Variants in ERBB4 observed in about 807,000 individuals in gnomAD.
ERBB4 encodes the protein erb-b2 receptor tyrosine kinase 4.
Under a neutral mutation model 158.0 loss-of-function variants are expected in ERBB4, and 42 were observed. The observed-to-expected ratio is 0.27, with a 90% CI of 0.21 to 0.34. The LOEUF (loss-of-function observed/expected upper bound fraction) is 0.34. Ranked by LOEUF, ERBB4 falls within the 10% of genes least tolerant of loss-of-function variation. ERBB4 has a pLI of 1.00. For synonymous variants in ERBB4, 583 were observed against 558.7 expected (o/e 1.04, Z -0.61); for missense variants, 1,333 against 1,624.1 (o/e 0.82, Z 3.08).
chr2:211,762,434 G>T (rs1353932883), intron 4 of ERBB4, among the ~76,000 whole-genome samples: 1 of 152,208 alleles, frequency 6.6e-6, no homozygotes, highest in Non-Finnish European at 1.5e-5. Context: ...GGAACTTCGG[G>T]CTCTTGTAGA....
chr2:212,340,505 G>A (rs1233915137), intron 1 of ERBB4, among the ~76,000 whole-genome samples: 3 of 152,178 alleles, frequency 2.0e-5, no homozygotes, highest in African/African-American at 7.2e-5. Flanking sequence ...ATCTGGGGGT[G>A]ATGATAGACA....
At chr2:211,772,848 T>TATATATATATACAC (rs2075736915) in intron 4 of ERBB4, among the ~76,000 whole-genome samples, 1 of 64,318 alleles carries the variant, frequency 1.6e-5, no homozygotes, top group African/African-American at 6.6e-5. Flanking sequence ...CATATATATA[T>TATATATATATACAC]ATATATATAT....
intron 20 of ERBB4, among the ~76,000 whole-genome samples, chr2:211,532,970 T>C (rs919828486): frequency 2.6e-5 from 4 of 151,368 alleles, no homozygotes; most frequent in Admixed American, 6.6e-5. Flanking sequence ...TTATTTAGCA[T>C]AAAACAAATA....
intron 2 of ERBB4, among the ~76,000 whole-genome samples, chr2:212,041,565 T>G (rs1157331707): frequency 1.3e-5 from 2 of 150,578 alleles, no homozygotes; most frequent in African/African-American, 2.4e-5. Flanking sequence ...AAAAAAGAAA[T>G]AGTAGCAATA....
rs149870269 is a variant in ERBB4, at chr2:211,704,745, C to T, written c.1199-551G>A. On this transcript the variant is annotated intron_variant, in intron 10 of 27. Coordinates refer to ENST00000342788, the MANE Select transcript of ERBB4 (RefSeq NM_005235.3). ...TCTTTTGAAGAAGTAAACAGAAAAA[C>T]ATAGTTTCAAAGATCAGTTGACACT... Among the ~76,000 whole-genome samples the T allele has an allele frequency of 4.3e-3, 651 of 152,206 alleles. 6 individuals are homozygous for T. The highest frequency in any genetic ancestry group is 0.015 in the African/African-American group (619 of 41,520).
intron 1 of ERBB4, among the ~76,000 whole-genome samples, chr2:212,264,743 C>T (rs929083098): frequency 1.3e-5 from 2 of 151,890 alleles, no homozygotes; most frequent in African/African-American, 4.8e-5. Context: ...AAAAAAAGCA[C>T]CGTGAATATT....
chr2:212,386,019 T>C (rs1011846191), intron 1 of ERBB4, among the ~76,000 whole-genome samples: 11 of 151,888 alleles, frequency 7.2e-5, no homozygotes, highest in African/African-American at 2.7e-4. Flanking sequence ...GTCTCTATCT[T>C]ACCAGCGAAG....
chr2:211,868,478 T>A (rs116653201), intron 3 of ERBB4, among the ~76,000 whole-genome samples: 23 of 152,320 alleles, frequency 1.5e-4, no homozygotes, highest in Non-Finnish European at 2.8e-4. Context: ...ATGGCTCTTA[T>A]AAACCTTTTA....
intron 20 of ERBB4, among the ~76,000 whole-genome samples, chr2:211,512,623 C>T (rs574900823): frequency 6.6e-6 from 1 of 152,010 alleles, no homozygotes; most frequent in East Asian, 1.9e-4. Context: ...TAAAAAATGC[C>T]ATTTTCTTAA....
At chr2:212,029,358 T>G (rs2076847910) in intron 2 of ERBB4, among the ~76,000 whole-genome samples, 1 of 152,208 alleles carries the variant, frequency 6.6e-6, no homozygotes, top group South Asian at 2.1e-4. Context: ...TTTCGTGGGC[T>G]AAGCTCCACT....
chr2:212,531,185 G>A (rs1252975831), intron 1 of ERBB4, among the ~76,000 whole-genome samples: 1 of 152,152 alleles, frequency 6.6e-6, no homozygotes, highest in Non-Finnish European at 1.5e-5. Flanking sequence ...ATCAGGAAAT[G>A]ACTCTTCTTG....
At chr2:211,940,541 T>C (rs1376303043) in intron 3 of ERBB4, among the ~76,000 whole-genome samples, 1 of 152,158 alleles carries the variant, frequency 6.6e-6, no homozygotes, top group Non-Finnish European at 1.5e-5. Context: ...GGAAGTTTCC[T>C]GAGAAATTCC....
At chr2:212,024,251 A>G (rs1357257314) in intron 2 of ERBB4, among the ~76,000 whole-genome samples, 6 of 151,854 alleles carry the variant, frequency 4.0e-5, no homozygotes. Flanking sequence ...TTCATTCTAT[A>G]CCTCTGTCCC....
chr2:212,267,026 C>A (rs78819283), intron 1 of ERBB4, among the ~76,000 whole-genome samples: 1 of 151,876 alleles, frequency 6.6e-6, no homozygotes, highest in African/African-American at 2.4e-5. Flanking sequence ...AGCAGATAAA[C>A]AAATGCCTAA....
chr2:211,800,659 T>TAAAA (rs35946148), intron 3 of ERBB4, among the ~76,000 whole-genome samples: 14 of 128,592 alleles, frequency 1.1e-4, no homozygotes, highest in Non-Finnish European at 2.2e-4. Flanking sequence ...AACTGTGCGT[T>TAAAA]AAAAAAAAAA....
In ERBB4 at chr2:212,057,107, A is replaced by G. The variant is rs534907296; in HGVS notation, c.234+67645T>C. Among the ~76,000 whole-genome samples the G allele has an allele frequency of 1.7e-3, 266 of 152,236 alleles. 3 individuals carry two copies. Among genetic ancestry groups the G allele is most frequent in the Non-Finnish European group, 2.4e-3 (164 of 67,996 alleles). ...AGATCTACCAAGCAAATGGAAAACA[A>G]AAAAAAGGCAGCGGTTGCAATCCTA... On this transcript the variant is annotated intron_variant, in intron 2 of 27. Transcript: ENST00000342788.
intron 1 of ERBB4, among the ~76,000 whole-genome samples, chr2:212,523,860 A>G (rs1450086157): frequency 6.6e-6 from 1 of 152,010 alleles, no homozygotes; most frequent in South Asian, 2.1e-4. Flanking sequence ...CCACACATGA[A>G]GGAACTCACT....
chr2:211,886,133 G>C (rs911732796), intron 3 of ERBB4, among the ~76,000 whole-genome samples: 1 of 152,082 alleles, frequency 6.6e-6, no homozygotes, highest in Non-Finnish European at 1.5e-5. Context: ...TGTTTTCTCT[G>C]TCTTAGATAC....
intron 2 of ERBB4, among the ~76,000 whole-genome samples, chr2:212,105,126 T>C (rs578161713): frequency 6.6e-6 from 1 of 152,286 alleles, no homozygotes; most frequent in African/African-American, 2.4e-5. Flanking sequence ...AAATACCTCA[T>C]TCAGTAGAAT....
Sources: gnomAD v4.1 joint callset for allele counts (sites outside exome capture counted in the v4.1 genomes callset) on GRCh38, gnomAD v4.1.1 for gene constraint, MANE v1.5 for transcripts, NCBI Gene and HGNC (gene_info 2026-07-23, HGNC 2026-07-21) for gene names.